The following FTO variants were observed in gnomAD, a reference collection of about 807,000 sequenced individuals.
FTO encodes the protein alpha-ketoglutarate-dependent dioxygenase FTO.
Under a neutral mutation model 63.9 loss-of-function variants are expected in FTO, and 47 were observed. The ratio of observed to expected loss-of-function variants is 0.74; its 90% CI spans 0.58 to 0.94. The LOEUF (loss-of-function observed/expected upper bound fraction) is 0.94. Ranked by LOEUF, FTO falls within the 40% of genes least tolerant of loss-of-function variation. FTO has a pLI of 0.00. For synonymous variants in FTO, 207 were observed against 224.4 expected, an observed-to-expected ratio of 0.92 and a Z score of 0.69; for missense variants, 562 against 618.1, an observed-to-expected ratio of 0.91 and a Z score of 0.96.
At chr16:53,836,635 C>G (rs1285985514) in intron 3 of FTO, among the ~76,000 whole-genome samples, 1 of 152,188 alleles carries the variant, frequency 6.6e-6, no homozygotes, top group African/African-American at 2.4e-5. Flanking sequence ...AATAATAATT[C>G]CAGACCCAAA....
At chr16:53,708,727 A>AAGT (rs1407066381) in intron 1 of FTO, among the ~76,000 whole-genome samples, 1 of 152,172 alleles carries the variant, frequency 6.6e-6, no homozygotes, top group Non-Finnish European at 1.5e-5. Context: ...AGTGGGTGTG[A>AAGT]AGTAGTATCT....
Position 53,965,832 on chromosome 16 carries a change from GAAT to G in FTO, c.1364+31730_1364+31732del, listed in dbSNP as rs1334863104. 4 of 151,302 alleles carry G rather than the reference GAAT, an allele frequency of 2.6e-5. No homozygotes were observed. The East Asian group carries it at 7.7e-4, about 29-fold the overall frequency. The allele number at this position is 151,302 out of a possible 1,614,324, so 9.4% of individuals were successfully genotyped here. A position where few individuals can be genotyped will look rare whatever the true frequency, so the allele number is the denominator to read the frequency against. ...TTCAGTTTCATCTTGTGTAAAATCA[GAAT>G]AATAATGCCAACCTTATAGAGTAAT... On this transcript the variant is annotated intron_variant, in intron 8 of 8. Transcript: ENST00000471389.
chr16:53,938,500 A>G (rs1232707101), intron 8 of FTO, among the ~76,000 whole-genome samples: 7 of 152,246 alleles, frequency 4.6e-5, no homozygotes, highest in Non-Finnish European at 7.3e-5. Flanking sequence ...GATGAGTGGC[A>G]CATGCCATGA....
chr16:54,057,272 T>C (rs1464043836), intron 8 of FTO, among the ~76,000 whole-genome samples: 1 of 152,220 alleles, frequency 6.6e-6, no homozygotes, highest in Non-Finnish European at 1.5e-5. Flanking sequence ...ATTGACTCCT[T>C]ATGGAGCTGG....
chr16:53,931,907 C>CACAT (rs1491313961), intron 7 of FTO, among the ~76,000 whole-genome samples: 7 of 151,306 alleles, frequency 4.6e-5, no homozygotes, highest in African/African-American at 7.3e-5. Context: ...CACACACACA[C>CACAT]GCACATACCA....
In FTO at chr16:53,856,782, T is replaced by G. The variant is rs78685154; in HGVS notation, c.895+12484T>G. Among the ~76,000 whole-genome samples the G allele has an allele frequency of 8.1e-4, 123 of 151,986 alleles. 1 individual carries two copies. Among genetic ancestry groups the G allele is most frequent in the African/African-American group, 2.9e-3 (120 of 41,472 alleles). On this transcript the variant is annotated intron_variant, in intron 4 of 8. Transcript: ENST00000471389. ...AAAACAAGCATGGAGGTGAAGATGA[T>G]CTCAAGGTACATAAGATACATACCT...
At chr16:53,830,156 A>G (rs1157684055) in intron 3 of FTO, among the ~76,000 whole-genome samples, 1 of 152,224 alleles carries the variant, frequency 6.6e-6, no homozygotes, top group African/African-American at 2.4e-5. Context: ...AGTAATTTGT[A>G]TAGGATACGT....
chr16:53,741,493 A>G (rs1404303958), intron 1 of FTO, among the ~76,000 whole-genome samples: 1 of 152,228 alleles, frequency 6.6e-6, no homozygotes, highest in East Asian at 1.9e-4. Flanking sequence ...TTACCTAGGA[A>G]CAGTAATAAT....
chr16:53,873,730 T>C (rs2080567518), intron 4 of FTO, 56 bp from the exon 5 acceptor site: 1 of 1,276,528 alleles, frequency 7.8e-7, no homozygotes, highest in Non-Finnish European at 1.1e-6. Context: ...AAATAATATA[T>C]AGTATATACT....
intron 7 of FTO, among the ~76,000 whole-genome samples, chr16:53,923,860 C>T (rs1254962601): frequency 6.6e-6 from 1 of 151,920 alleles, no homozygotes; most frequent in East Asian, 2.0e-4. Context: ...AGCGGTCGCC[C>T]ACATGACTGT....
chr16:53,780,331 C>G (rs1449247856), intron 1 of FTO, among the ~76,000 whole-genome samples: 4 of 152,166 alleles, frequency 2.6e-5, no homozygotes, highest in Non-Finnish European at 5.9e-5. Flanking sequence ...TAGTCTGGGC[C>G]TGGCTTCTTG....
intron 7 of FTO, among the ~76,000 whole-genome samples, chr16:53,891,815 T>C (rs147440628): frequency 6.6e-6 from 1 of 152,314 alleles, no homozygotes; most frequent in African/African-American, 2.4e-5. Flanking sequence ...AGGAAATATC[T>C]GTTATTTGTT....
At chr16:53,718,029 C>G (rs1009350341) in intron 1 of FTO, among the ~76,000 whole-genome samples, 1 of 152,028 alleles carries the variant, frequency 6.6e-6, no homozygotes, top group African/African-American at 2.4e-5. Flanking sequence ...TAAAAATCAC[C>G]TTTTCAAGGT....
intron 7 of FTO, among the ~76,000 whole-genome samples, chr16:53,929,946 G>A (rs946219557): frequency 5.3e-5 from 8 of 152,208 alleles, no homozygotes; most frequent in Non-Finnish European, 7.3e-5. Flanking sequence ...TGGACCACAG[G>A]TGATACAGGG....
chr16:53,932,026 A>G (rs1324577969), intron 7 of FTO, among the ~76,000 whole-genome samples: 1 of 152,124 alleles, frequency 6.6e-6, no homozygotes, highest in Non-Finnish European at 1.5e-5. Context: ...TAGGCAGAAC[A>G]TGTGCTGTCT....
chr16:53,965,224 T>C (rs113679680), intron 8 of FTO, among the ~76,000 whole-genome samples: 84 of 152,102 alleles, frequency 5.5e-4, no homozygotes, highest in African/African-American at 1.8e-3. Flanking sequence ...CAGGCATGCG[T>C]CACCACGCCT....
intron 8 of FTO, among the ~76,000 whole-genome samples, chr16:54,096,945 A>T (rs1259947299): frequency 1.3e-5 from 2 of 152,206 alleles, no homozygotes; most frequent in African/African-American, 2.4e-5. Flanking sequence ...AAGTGGTGTC[A>T]GCTGTGTTGT....
chr16:53,972,897 T>A (rs1364357859), intron 8 of FTO, among the ~76,000 whole-genome samples: 1 of 152,212 alleles, frequency 6.6e-6, no homozygotes, highest in Non-Finnish European at 1.5e-5. Flanking sequence ...TGGAGCTGCT[T>A]GCTTTTGGCT....
intron 8 of FTO, among the ~76,000 whole-genome samples, chr16:54,086,252 A>G (rs755600633): frequency 8.5e-5 from 13 of 152,212 alleles, no homozygotes; most frequent in Non-Finnish European, 1.2e-4. Flanking sequence ...GCTCGTGCTA[A>G]ATGAACCACA....
Sources: allele counts gnomAD v4.1 joint callset (sites outside exome capture counted in the v4.1 genomes callset), GRCh38; gene constraint gnomAD v4.1.1; transcripts MANE v1.5; gene names NCBI Gene and HGNC (gene_info 2026-07-23, HGNC 2026-07-21).